USP4: variants seen among roughly 807,000 people sequenced by gnomAD.
USP4 encodes ubiquitin specific peptidase 4.
USP4 carries 72 observed loss-of-function variants against 118.2 expected under a neutral mutation model. That is an observed-to-expected ratio of 0.61 (90% CI 0.50 to 0.74). The LOEUF (loss-of-function observed/expected upper bound fraction) is 0.74. USP4 is among the 30% of genes least tolerant of loss of function. The pLI, the probability that USP4 is intolerant of heterozygous loss-of-function variation, is 0.00. For missense variants in USP4, 1,037 were observed against 1,185.7 expected, an observed-to-expected ratio of 0.87 and a Z score of 1.84; for synonymous variants, 415 against 440.4, an observed-to-expected ratio of 0.94 and a Z score of 0.72.
chr3:49,294,320 A>G lies in USP4; in HGVS notation c.1883+87T>C, dbSNP rs1345070856. 4 of 1,418,022 alleles carry G rather than the reference A, an allele frequency of 2.8e-6. No individual in the cohort carries two copies. In the Admixed American group the frequency reaches 7.7e-5, roughly 27 times the overall value. 87.8% of individuals were successfully genotyped at this position (1,418,022 alleles called of 1,614,324 possible). On this transcript the variant is annotated intron_variant, in intron 14 of 21. Transcript: ENST00000265560. ...TTACAGAGGTGAGCATGTAGGATCA[A>G]CACAGCCACTTGGCAGGAGTTGCCA...
chr3:49,317,812 A>T (rs1367685832), intron 6 of USP4, among the ~76,000 whole-genome samples: 50 of 150,488 alleles, frequency 3.3e-4, no homozygotes, highest in South Asian at 1.5e-3. Context: ...TCGGCCTCCC[A>T]AAGTGCTGGG....
intron 8 of USP4, among the ~76,000 whole-genome samples, chr3:49,309,528 T>A (rs2047357972): frequency 6.6e-6 from 1 of 151,968 alleles, no homozygotes; most frequent in African/African-American, 2.4e-5. Context: ...AGAGTTGTGA[T>A]TACAGGTGTG....
chr3:49,330,254 T>C (rs929883357), intron 2 of USP4, among the ~76,000 whole-genome samples: 2 of 152,128 alleles, frequency 1.3e-5, no homozygotes, highest in Non-Finnish European at 2.9e-5. Context: ...ATGTTTTTAG[T>C]AGGCATGAAA....
intron 6 of USP4, chr3:49,317,449 C>A (rs1286657717): frequency 4.9e-6 from 4 of 822,792 alleles, no homozygotes; most frequent in South Asian, 2.9e-5. Flanking sequence ...CAGCGCCATG[C>A]CCTGCTGGGT....
At chr3:49,316,732 A>C (rs1244136921) in intron 6 of USP4, 1 of 334,614 alleles carries the variant, frequency 3.0e-6, no homozygotes, top group Non-Finnish European at 5.5e-6. Context: ...GGGATGAAGG[A>C]GAACCCCTGC....
intron 2 of USP4, among the ~76,000 whole-genome samples, chr3:49,331,951 G>A (rs1385976895): frequency 1.3e-5 from 2 of 148,548 alleles, no homozygotes; most frequent in East Asian, 3.9e-4. Context: ...CGGGCAACAC[G>A]GCAAAATCCC....
chr3:49,332,899 G>A (rs1310369048), intron 2 of USP4, among the ~76,000 whole-genome samples: 2 of 151,858 alleles, frequency 1.3e-5, no homozygotes, highest in Non-Finnish European at 2.9e-5. Flanking sequence ...AGTCGAGTGT[G>A]GTGGGGCCTG....
chr3:49,336,446 T>G (rs909953034), intron 1 of USP4, among the ~76,000 whole-genome samples: 1 of 152,094 alleles, frequency 6.6e-6, no homozygotes, highest in African/African-American at 2.4e-5. Flanking sequence ...AGTGCTGTGA[T>G]TACATGCATG....
chr3:49,322,823 C>T (rs936117445), intron 6 of USP4, among the ~76,000 whole-genome samples: 13 of 150,222 alleles, frequency 8.7e-5, no homozygotes, highest in African/African-American at 2.7e-4. Context: ...CACCATTGCA[C>T]TCCAACCTTG....
chr3:49,332,003 T>C (rs964156975), intron 2 of USP4, among the ~76,000 whole-genome samples: 1 of 149,492 alleles, frequency 6.7e-6, no homozygotes, highest in African/African-American at 2.5e-5. Flanking sequence ...CTGGGCACAG[T>C]GGCTCACACC....
chr3:49,298,679 G>A (rs1156561189), intron 11 of USP4, 44 bp from the exon 12 acceptor site: 2 of 1,576,780 alleles, frequency 1.3e-6, no homozygotes, highest in Non-Finnish European at 1.7e-6. Flanking sequence ...GCCCCACAAA[G>A]GGTGCGAAAT....
At chr3:49,321,945 G>C (rs960869982) in intron 6 of USP4, among the ~76,000 whole-genome samples, 1 of 152,056 alleles carries the variant, frequency 6.6e-6, no homozygotes, top group African/African-American at 2.4e-5. Flanking sequence ...AGTGAACCGA[G>C]ATCATGCCAC....
At chr3:49,323,313 C>T (rs1374058129) in intron 6 of USP4, among the ~76,000 whole-genome samples, 2 of 146,930 alleles carry the variant, frequency 1.4e-5, no homozygotes, top group Non-Finnish European at 3.0e-5. Context: ...TGGGGTCTTG[C>T]TGTCGCCCAG....
At chr3:49,336,346 G>C (rs965526430) in intron 1 of USP4, among the ~76,000 whole-genome samples, 1 of 149,738 alleles carries the variant, frequency 6.7e-6, no homozygotes, top group African/African-American at 2.5e-5. Flanking sequence ...TAATTTTTTT[G>C]TATTTTTAGT....
Position 49,294,566 on chromosome 3 carries a change from G to C in USP4, c.1724C>G (p.Ser575Trp). The C allele has an allele frequency of 6.2e-7, 1 of 1,614,072 alleles. No individual in the cohort carries two copies. The highest frequency in any genetic ancestry group is 1.1e-5 in the South Asian group (1 of 91,070). Residue 575 changes from serine to tryptophan, a missense_variant, in exon 14 of 22, where the codon TCG becomes TGG. Transcript: ENST00000265560. ...YEVCSTSVDG[S>W]ECVTLPVYFR... is the part of the protein sequence containing the mutation. ...GTAGACTGGAAGCGTGACACATTCC[G>C]AGCCATCCACGGAAGTGCTGCAGAC...
chr3:49,288,661 G>A (rs1484999268), intron 15 of USP4, among the ~76,000 whole-genome samples: 1 of 151,292 alleles, frequency 6.6e-6, no homozygotes, highest in Non-Finnish European at 1.5e-5. Context: ...GGCAACAAGA[G>A]CAAAACTCCA....
intron 20 of USP4, 92 bp from the exon 21 acceptor site, chr3:49,278,994 C>A: frequency 1.3e-6 from 1 of 790,300 alleles, no homozygotes; most frequent in Non-Finnish European, 1.9e-6. Context: ...ACAAAAATCC[C>A]CAAAACAAAA....
intron 18 of USP4, 108 bp from the exon 19 acceptor site, chr3:49,284,244 G>T: frequency 6.9e-7 from 1 of 1,456,620 alleles, no homozygotes; most frequent in Non-Finnish European, 9.5e-7. Context: ...CATCCTCTCG[G>T]TCAGCACTCA....
Position 49,305,879 on chromosome 3 carries a change from T to G in USP4, c.964A>C (p.Asn322His). 6.2e-7 allele frequency: 1 copy of G among 1,612,974 alleles called. No individual in the cohort carries two copies. The highest frequency in any genetic ancestry group is 8.5e-7 in the Non-Finnish European group (1 of 1,179,512). ...AAGTAGTCAGTCAGTGGTGCAGTGT[T>G]GCTCAAACACTGAAACAGAACATGA... ...FMNSALQCLS[N>H]TAPLTDYFLK... The change falls in exon 9 of 22, where the codon AAC becomes CAC. Residue 322 changes from asparagine to histidine, a missense_variant. By Grantham distance (68) the Asn-to-His change is moderately conservative. Coordinates refer to ENST00000265560, the MANE Select transcript of USP4 (RefSeq NM_003363.4).
Sources: gnomAD v4.1 joint callset for allele counts (sites outside exome capture counted in the v4.1 genomes callset) on GRCh38, gnomAD v4.1.1 for gene constraint, MANE v1.5 for transcripts, NCBI Gene and HGNC (gene_info 2026-07-23, HGNC 2026-07-21) for gene names.